TMEM62: variants seen among roughly 807,000 people sequenced by gnomAD.
The protein encoded by TMEM62 is transmembrane protein 62.
A neutral mutation model predicts 70.4 loss-of-function variants in TMEM62; 41 were observed. The observed-to-expected ratio is 0.58, with a 90% CI of 0.45 to 0.76. The LOEUF (loss-of-function observed/expected upper bound fraction) is 0.76. TMEM62 is among the 30% of genes least tolerant of loss of function. The pLI, the probability that TMEM62 is intolerant of heterozygous loss-of-function variation, is 0.00. For synonymous variants in TMEM62, 268 were observed against 291.0 expected (o/e 0.92, Z 0.80); for missense variants, 688 against 788.5 (o/e 0.87, Z 1.53).
At position 43,148,769 on chromosome 15, in the gene TMEM62, G is replaced by A; in HGVS notation, c.633G>A (p.Glu211=). 1.2e-6 allele frequency: 2 copies of A among 1,613,560 alleles called. No homozygotes were observed. Among genetic ancestry groups the A allele is most frequent in the Non-Finnish European group, 1.7e-6 (2 of 1,179,856 alleles). Residue 211 remains glutamate, a synonymous_variant, in exon 6 of 14, where the codon GAG becomes GAA. Coordinates refer to ENST00000260403, the MANE Select transcript of TMEM62 (RefSeq NM_024956.4). ...FGILDKKKME[E]LLLLAKESSR... ...TCCCATCTCAGAAAAAGATGGAGGA[G>A]CTCTTATTACTGGCCAAGGAAAGCA...
At chr15:43,158,063 T>C (rs1441086784) in intron 9 of TMEM62, among the ~76,000 whole-genome samples, 3 of 152,156 alleles carry the variant, frequency 2.0e-5, no homozygotes, top group African/African-American at 7.2e-5. Context: ...GTTCCCTGTT[T>C]TCTGGATTTT....
At chr15:43,175,184 T>G (rs2040593096) in intron 11 of TMEM62, among the ~76,000 whole-genome samples, 1 of 152,182 alleles carries the variant, frequency 6.6e-6, no homozygotes, top group Non-Finnish European at 1.5e-5. Flanking sequence ...TATTATTCTA[T>G]CTGAATATGT....
At chr15:43,144,087 A>G (rs2036386369) in intron 4 of TMEM62, among the ~76,000 whole-genome samples, 4 of 152,260 alleles carry the variant, frequency 2.6e-5, no homozygotes, top group African/African-American at 9.6e-5. Context: ...AAATTAGAAA[A>G]GCATGGGGGT....
chr15:43,170,210 T>G (rs1451713014), intron 11 of TMEM62, among the ~76,000 whole-genome samples: 1 of 152,206 alleles, frequency 6.6e-6, no homozygotes, highest in South Asian at 2.1e-4. Context: ...ATTTTAACAT[T>G]AATGATGGTC....
intron 11 of TMEM62, among the ~76,000 whole-genome samples, chr15:43,173,045 T>C (rs1049617411): frequency 3.3e-5 from 5 of 152,124 alleles, no homozygotes; most frequent in African/African-American, 1.2e-4. Context: ...GTGGCCAACA[T>C]GGTGAAACCT....
At chr15:43,171,404 C>T (rs1321866819) in intron 11 of TMEM62, among the ~76,000 whole-genome samples, 1 of 151,766 alleles carries the variant, frequency 6.6e-6, no homozygotes, top group African/African-American at 2.4e-5. Context: ...ATTACAGGAC[C>T]CATCCTTCAT....
rs767580368 is a variant in TMEM62 at position 43,178,592 on chromosome 15, C to G, written c.1382-15C>G. The G allele has an allele frequency of 7.0e-6, 11 of 1,561,334 alleles. No homozygotes were observed. Among genetic ancestry groups the G allele is most frequent in the Non-Finnish European group, 8.8e-6 (10 of 1,136,620 alleles). ...TGCATGTGTTCACTGGGTTTTTCAA[C>G]TTTATGTTTTTTAGAACCTTCAGGG... On this transcript the variant is annotated splice_polypyrimidine_tract_variant and intron_variant, in intron 11 of 13. Transcript: ENST00000260403.
chr15:43,151,089 A>C (rs2141681341), intron 7 of TMEM62, among the ~76,000 whole-genome samples: 1 of 152,374 alleles, frequency 6.6e-6, no homozygotes, highest in East Asian at 1.9e-4. Flanking sequence ...TTACGCCTAT[A>C]ATCCCAGCAC....
In TMEM62 at chr15:43,146,554, A is replaced by C. The variant is rs781090921; in HGVS notation, c.538A>C (p.Asn180His). The C allele has an allele frequency of 2.4e-5, 39 of 1,613,798 alleles. No individual in the cohort carries two copies. The highest frequency in any genetic ancestry group is 3.3e-5 in the Non-Finnish European group (39 of 1,179,864). The change falls in exon 5 of 14, where the codon AAC becomes CAC. Residue 180 changes from asparagine to histidine, a missense_variant. Asn to His is a moderately conservative substitution (Grantham distance 68). Transcript: ENST00000260403. ...FHYVHSTPFG[N>H]YSFICVDATV... is the part of the protein sequence containing the mutation. ...TTATGTCCACAGTACTCCCTTTGGC[A>C]ACTATTCGTTCATCTGTGTAGATGC...
chr15:43,158,181 T>C (rs2038277939), intron 9 of TMEM62, among the ~76,000 whole-genome samples: 1 of 152,210 alleles, frequency 6.6e-6, no homozygotes, highest in Admixed American at 6.5e-5. Flanking sequence ...TTTACATCTG[T>C]TTGTTTTTTG....
chr15:43,157,913 A>T (rs1489910216), intron 9 of TMEM62, among the ~76,000 whole-genome samples: 1 of 152,180 alleles, frequency 6.6e-6, no homozygotes, highest in Admixed American at 6.5e-5. Flanking sequence ...ATCGGAATTC[A>T]ATCAAGGCTC....
chr15:43,160,056 C>T (rs997547793), intron 9 of TMEM62, among the ~76,000 whole-genome samples: 1 of 151,976 alleles, frequency 6.6e-6, no homozygotes, highest in African/African-American at 2.4e-5. Context: ...GCAAGCTCTT[C>T]TTCCTGGGTT....
At chr15:43,136,805 G>A (rs2035285561) in intron 3 of TMEM62, among the ~76,000 whole-genome samples, 1 of 152,044 alleles carries the variant, frequency 6.6e-6, no homozygotes, top group Non-Finnish European at 1.5e-5. Context: ...AGCCTGGAGT[G>A]CAGTGGTGTG....
intron 5 of TMEM62, among the ~76,000 whole-genome samples, chr15:43,147,109 A>C (rs919012017): frequency 2.0e-5 from 3 of 152,168 alleles, no homozygotes; most frequent in African/African-American, 7.2e-5. Context: ...GATTACAGGC[A>C]CGTGCCACCA....
At chr15:43,169,906 G>A (rs533786296) in intron 11 of TMEM62, 2 of 408,208 alleles carry the variant, frequency 4.9e-6, no homozygotes, top group Non-Finnish European at 8.7e-6. Flanking sequence ...GCAATACATG[G>A]AAGGTATGCA....
chr15:43,144,705 T>C (rs925839148), intron 4 of TMEM62, among the ~76,000 whole-genome samples: 3 of 152,208 alleles, frequency 2.0e-5, no homozygotes, highest in African/African-American at 7.2e-5. Flanking sequence ...GAGGAGGTTG[T>C]TCTCTTTTGT....
chr15:43,139,930 C>T (rs62019366), intron 4 of TMEM62, among the ~76,000 whole-genome samples: 2,061 of 152,334 alleles, frequency 0.014, 14 homozygotes, highest in Admixed American at 0.023. Flanking sequence ...ATGAAGGTGG[C>T]TGCGCTAAAC....
chr15:43,140,721 T>C (rs1291945319), intron 4 of TMEM62, among the ~76,000 whole-genome samples: 1 of 152,218 alleles, frequency 6.6e-6, no homozygotes, highest in African/African-American at 2.4e-5. Context: ...CTCAGTCTGA[T>C]AGAAACTCTG....
At chr15:43,179,293 T>C (rs1275876175) in intron 12 of TMEM62, among the ~76,000 whole-genome samples, 2 of 152,202 alleles carry the variant, frequency 1.3e-5, no homozygotes, top group Non-Finnish European at 2.9e-5. Context: ...ATGTAGTTCA[T>C]TGAATATTTA....
Sources: allele counts gnomAD v4.1 joint callset (sites outside exome capture counted in the v4.1 genomes callset), GRCh38; gene constraint gnomAD v4.1.1; transcripts MANE v1.5; gene names NCBI Gene and HGNC (gene_info 2026-07-23, HGNC 2026-07-21).